The following RAB8B variants were observed in gnomAD, a reference collection of about 807,000 sequenced individuals.
RAB8B encodes the protein ras-related protein Rab-8B.
In RAB8B, 11 loss-of-function variants were observed where a neutral mutation model predicts 32.0. That is an observed-to-expected ratio of 0.34 (90% CI 0.22 to 0.57). The LOEUF is 0.57. Ranked by LOEUF, RAB8B falls within the 20% of genes least tolerant of loss-of-function variation. The pLI is 0.86. For synonymous variants in RAB8B, 103 were observed against 89.6 expected, an observed-to-expected ratio of 1.15 and a Z score of -0.85; for missense variants, 190 against 258.5, an observed-to-expected ratio of 0.73 and a Z score of 1.82.
chr15:63,245,820 G>C (rs2038066177), intron 2 of RAB8B, among the ~76,000 whole-genome samples: 1 of 152,158 alleles, frequency 6.6e-6, no homozygotes, highest in African/African-American at 2.4e-5. Flanking sequence ...ATTCATTTAT[G>C]TTTCATATAC....
chr15:63,234,670 T>C (rs2037963365), intron 1 of RAB8B, among the ~76,000 whole-genome samples: 1 of 152,178 alleles, frequency 6.6e-6, no homozygotes, highest in South Asian at 2.1e-4. Flanking sequence ...TGGTGCCACG[T>C]GGTGAGGTAT....
At chr15:63,232,660 C>T (rs937828703) in intron 1 of RAB8B, among the ~76,000 whole-genome samples, 2 of 152,112 alleles carry the variant, frequency 1.3e-5, no homozygotes, top group South Asian at 2.1e-4. Flanking sequence ...GAACCAAACA[C>T]GTCAGAAAAT....
At position 63,255,567 on chromosome 15, in the gene RAB8B, A is replaced by T; in HGVS notation, c.307A>T (p.Ile103Phe). The change falls in exon 4 of 8, where the codon ATC (isoleucine) becomes TTC (phenylalanine). Residue 103 changes from isoleucine to phenylalanine, a missense_variant. Physicochemically the swap from Ile to Phe is conservative, Grantham distance 21 (BLOSUM62 0). Coordinates refer to ENST00000321437, the MANE Select transcript of RAB8B (RefSeq NM_016530.3). ...EKSFDNIKNW[I>F]RNIEEHASSD... ...ATCCTTTGACAATATTAAAAATTGGATCAGAAACATTGAAGAGGTATGTGT... is the reference window on the plus strand; with the variant it reads ...ATCCTTTGACAATATTAAAAATTGGTTCAGAAACATTGAAGAGGTATGTGT... 6.2e-7 allele frequency: 1 copy of T among 1,601,566 alleles called. No individual in the cohort carries two copies. The highest frequency in any genetic ancestry group is 8.6e-7 in the Non-Finnish European group (1 of 1,168,584).
chr15:63,258,082 T>G (rs1045428050), intron 5 of RAB8B, among the ~76,000 whole-genome samples: 3 of 148,698 alleles, frequency 2.0e-5, no homozygotes, highest in South Asian at 2.2e-4. Context: ...AAAAAAAAAG[T>G]AATTAAAAGT....
intron 3 of RAB8B, among the ~76,000 whole-genome samples, chr15:63,254,479 A>C (rs1196863546): frequency 6.6e-6 from 1 of 152,098 alleles, no homozygotes. Flanking sequence ...GGCACACAGT[A>C]GGTGCTCACT....
chr15:63,251,211 C>T lies in RAB8B; in HGVS notation c.246+1506C>T, dbSNP rs1376722963. On this transcript the variant is annotated intron_variant, in intron 3 of 7. Transcript: ENST00000321437. ...CCAGCCACTTTCTATTTTGCTTAGA[C>T]TGGAATCAAAGGGAAGGGGCTTATT... is the stretch of plus-strand genomic sequence containing the variant. 3.8e-5 allele frequency: 17 copies of T among 449,492 alleles called. No homozygotes were observed. The Admixed American group carries it at 4.1e-4, about 11-fold the overall frequency. The allele number at this position is 449,492 out of a possible 1,614,324, so 27.8% of individuals were successfully genotyped here.
intron 1 of RAB8B, among the ~76,000 whole-genome samples, chr15:63,194,510 A>C (rs958026927): frequency 4.6e-5 from 7 of 152,276 alleles, no homozygotes; most frequent in African/African-American, 1.7e-4. Flanking sequence ...GGAATAACTC[A>C]GCGCATAGCT....
chr15:63,200,778 G>C (rs1436391443), intron 1 of RAB8B, among the ~76,000 whole-genome samples: 1 of 152,228 alleles, frequency 6.6e-6, no homozygotes, highest in African/African-American at 2.4e-5. Flanking sequence ...GGTTGCCCAA[G>C]GTCACACAAA....
intron 1 of RAB8B, among the ~76,000 whole-genome samples, chr15:63,225,685 A>G (rs1271980819): frequency 2.0e-5 from 3 of 152,176 alleles, no homozygotes; most frequent in Non-Finnish European, 4.4e-5. Context: ...TTTAATGACT[A>G]TTAGCCTAGG....
At chr15:63,252,035 C>T (rs902039037) in intron 3 of RAB8B, among the ~76,000 whole-genome samples, 2 of 151,926 alleles carry the variant, frequency 1.3e-5, no homozygotes, top group Admixed American at 1.3e-4. Flanking sequence ...TGGGGAAAAA[C>T]AGGACCATAT....
intron 1 of RAB8B, among the ~76,000 whole-genome samples, chr15:63,205,769 C>T (rs1041403711): frequency 1.3e-5 from 2 of 152,180 alleles, no homozygotes; most frequent in Non-Finnish European, 2.9e-5. Flanking sequence ...CTCTCAGGTC[C>T]AGTCTGTTCC....
chr15:63,262,623 G>GTATA (rs921853146), intron 6 of RAB8B, 69 bp from the exon 7 acceptor site: 21 of 181,484 alleles, frequency 1.2e-4, no homozygotes, highest in African/African-American at 1.8e-4. Context: ...ATATATATAT[G>GTATA]TGTATATATA....
chr15:63,231,651 C>G (rs965173310), intron 1 of RAB8B, among the ~76,000 whole-genome samples: 1 of 152,106 alleles, frequency 6.6e-6, no homozygotes, highest in East Asian at 1.9e-4. Flanking sequence ...TTTCCTGCTA[C>G]AAAGGTACAC....
chr15:63,242,978 A>T (rs1023132579), intron 1 of RAB8B, among the ~76,000 whole-genome samples: 1 of 152,202 alleles, frequency 6.6e-6, no homozygotes, highest in African/African-American at 2.4e-5. Flanking sequence ...TATACAACTC[A>T]CCAATGTAGA....
chr15:63,225,003 G>A (rs927593690), intron 1 of RAB8B, among the ~76,000 whole-genome samples: 1 of 152,326 alleles, frequency 6.6e-6, no homozygotes, highest in Admixed American at 6.5e-5. Context: ...AGAGCAGCAG[G>A]TTCTTTATCA....
chr15:63,219,579 T>C (rs1307785109), intron 1 of RAB8B, among the ~76,000 whole-genome samples: 1 of 152,138 alleles, frequency 6.6e-6, no homozygotes, highest in South Asian at 2.1e-4. Context: ...ATAAAACTTT[T>C]GTTTCAGTTA....
At chr15:63,231,213 A>G (rs2037933857) in intron 1 of RAB8B, among the ~76,000 whole-genome samples, 2 of 152,232 alleles carry the variant, frequency 1.3e-5, no homozygotes, top group Non-Finnish European at 2.9e-5. Context: ...TCATTCTAAA[A>G]GGGAAAAGAG....
At chr15:63,258,935 T>C (rs1006958448) in intron 5 of RAB8B, among the ~76,000 whole-genome samples, 1 of 152,094 alleles carries the variant, frequency 6.6e-6, no homozygotes, top group African/African-American at 2.4e-5. Flanking sequence ...TTTTGTTACT[T>C]GGGCATGGAA....
At chr15:63,240,203 G>C (rs548615272) in intron 1 of RAB8B, among the ~76,000 whole-genome samples, 1 of 152,292 alleles carries the variant, frequency 6.6e-6, no homozygotes, top group South Asian at 2.1e-4. Flanking sequence ...AGGGATTGTT[G>C]CAAGTTAGTC....
Sources: gnomAD v4.1 joint callset for allele counts (sites outside exome capture counted in the v4.1 genomes callset) on GRCh38, gnomAD v4.1.1 for gene constraint, MANE v1.5 for transcripts, NCBI Gene and HGNC (gene_info 2026-07-23, HGNC 2026-07-21) for gene names.